Variants in GLRX3 observed in about 807,000 individuals in gnomAD.
The protein encoded by GLRX3 is glutaredoxin 3.
A neutral mutation model predicts 49.5 loss-of-function variants in GLRX3; 22 were observed. That is an observed-to-expected ratio of 0.44 (90% CI 0.32 to 0.63). GLRX3 has a LOEUF of 0.63. GLRX3 is among the 30% of genes least tolerant of loss of function. The probability of loss-of-function intolerance (pLI) is 0.05; values close to 1 mark genes in which losing one functional copy is unlikely to be tolerated. For synonymous variants in GLRX3, 133 were observed against 140.0 expected (o/e 0.95, Z 0.35); for missense variants, 385 against 396.3 (o/e 0.97, Z 0.24).
intron 10 of GLRX3, among the ~76,000 whole-genome samples, chr10:130,175,691 T>C (rs1862903698): frequency 6.6e-6 from 1 of 152,248 alleles, no homozygotes; most frequent in African/African-American, 2.4e-5. Flanking sequence ...TACTTCTTGA[T>C]TGAGTTTTAA....
At chr10:130,175,789 G>GC (rs946512758) in intron 10 of GLRX3, among the ~76,000 whole-genome samples, 1 of 152,226 alleles carries the variant, frequency 6.6e-6, no homozygotes, top group African/African-American at 2.4e-5. Flanking sequence ...TCTTTGATTA[G>GC]CCCAAAACAA....
intron 2 of GLRX3, among the ~76,000 whole-genome samples, chr10:130,148,433 CTTTTTTTTTTTT>C (rs57482969): frequency 0.011 from 764 of 70,626 alleles, 16 homozygotes; most frequent in Middle Eastern, 0.082. Flanking sequence ...GCCCTTCAGT[CTTTTTTTTTTTT>C]TTTTTTTTTT....
intron 2 of GLRX3, among the ~76,000 whole-genome samples, chr10:130,152,700 G>A (rs1433688231): frequency 6.6e-6 from 1 of 152,084 alleles, no homozygotes; most frequent in East Asian, 1.9e-4. Context: ...CCCTTTGTGG[G>A]TAACCCAACC....
intron 1 of GLRX3, among the ~76,000 whole-genome samples, chr10:130,140,331 T>TA (rs1213267341): frequency 6.6e-6 from 1 of 152,196 alleles, no homozygotes; most frequent in Non-Finnish European, 1.5e-5. Context: ...GCTCCAGGCA[T>TA]ATGGGGCTAT....
intron 9 of GLRX3, 32 bp downstream of exon 9, chr10:130,174,938 C>G: frequency 5.7e-6 from 9 of 1,582,872 alleles, no homozygotes; most frequent in Non-Finnish European, 6.9e-6. Context: ...TCACCCTTGT[C>G]TTAGCTTTAA....
At chr10:130,137,136 A>G (rs1414355546) in intron 1 of GLRX3, among the ~76,000 whole-genome samples, 2 of 152,366 alleles carry the variant, frequency 1.3e-5, no homozygotes, top group African/African-American at 4.8e-5. Flanking sequence ...CTCAGTCTTC[A>G]GACTTAACCT....
chr10:130,180,308 G>GGACCTGTAATTTGGGTCCTAC (rs1863000137), downstream of GLRX3: 1 of 152,084 alleles, frequency 6.6e-6, no homozygotes, highest in African/African-American at 2.4e-5. Context: ...CTCCCAAAGT[G>GGACCTGTAATTTGGGTCCTAC]CTGGAATTTA....
intron 2 of GLRX3, among the ~76,000 whole-genome samples, chr10:130,148,193 A>G (rs757086929): frequency 1.3e-5 from 2 of 152,022 alleles, no homozygotes; most frequent in Non-Finnish European, 2.9e-5. Context: ...GCTGTAGTGC[A>G]GTGATCTTGG....
chr10:130,137,590 A>G (rs1369093163), intron 1 of GLRX3, among the ~76,000 whole-genome samples: 1 of 152,210 alleles, frequency 6.6e-6, no homozygotes, highest in African/African-American at 2.4e-5. Context: ...TTAGTACCTC[A>G]GGGTTGTTGT....
At chr10:130,153,916 A>C (rs1590063140) in intron 2 of GLRX3, among the ~76,000 whole-genome samples, 3 of 152,318 alleles carry the variant, frequency 2.0e-5, no homozygotes, top group Middle Eastern at 6.8e-3. Context: ...CTAGAGAGGC[A>C]GCAGGCCTTG....
intron 2 of GLRX3, among the ~76,000 whole-genome samples, chr10:130,147,243 T>G: frequency 6.6e-6 from 1 of 152,218 alleles, no homozygotes; most frequent in East Asian, 1.9e-4. Context: ...TGATTACAAG[T>G]GAAATGAATG....
intron 1 of GLRX3, among the ~76,000 whole-genome samples, chr10:130,143,081 A>G (rs995031340): frequency 1.8e-4 from 28 of 152,346 alleles, no homozygotes; most frequent in Admixed American, 1.5e-3. Flanking sequence ...CAGCTTCTGC[A>G]CTATGATTTG....
chr10:130,166,834 A>G (rs1590070299), intron 5 of GLRX3, 85 bp from the exon 6 acceptor site: 2 of 993,698 alleles, frequency 2.0e-6, no homozygotes, highest in Non-Finnish European at 3.1e-6. Context: ...TAGTTGATTG[A>G]TCAATAATCT....
intron 8 of GLRX3, among the ~76,000 whole-genome samples, chr10:130,171,978 AAAT>A (rs2134922748): frequency 6.6e-6 from 1 of 152,162 alleles, no homozygotes; most frequent in East Asian, 1.9e-4. Flanking sequence ...AAAAAGAAAA[AAAT>A]ATTTCAACTT....
At chr10:130,175,628 G>A (rs1214096133) in intron 10 of GLRX3, among the ~76,000 whole-genome samples, 1 of 152,218 alleles carries the variant, frequency 6.6e-6, no homozygotes, top group Non-Finnish European at 1.5e-5. Flanking sequence ...CCTTCCTGAT[G>A]CTTTGTGTAT....
At chr10:130,159,785 C>A in intron 2 of GLRX3, 1 of 1,302,890 alleles carries the variant, frequency 7.7e-7, no homozygotes, top group Non-Finnish European at 9.8e-7. Context: ...AAATAAAAAC[C>A]TCTGAACCTG....
At chr10:130,175,122 G>A (rs375990611) in intron 10 of GLRX3, 33 bp downstream of exon 10, 35 of 1,205,012 alleles carry the variant, frequency 2.9e-5, no homozygotes, top group East Asian at 1.6e-4. Flanking sequence ...TCTAAAGAAC[G>A]GAAAAGATTT....
intron 1 of GLRX3, among the ~76,000 whole-genome samples, chr10:130,142,773 A>T (rs573316923): frequency 6.6e-6 from 1 of 151,864 alleles, no homozygotes; most frequent in East Asian, 1.9e-4. Context: ...CTTGACTTCT[A>T]TGTGACCCTT....
chr10:130,144,171 T>C (rs1862226221), intron 1 of GLRX3, among the ~76,000 whole-genome samples: 1 of 152,090 alleles, frequency 6.6e-6, no homozygotes. Context: ...AAAAAGTAAA[T>C]AATGATATTA....
Sources: allele counts gnomAD v4.1 joint callset (sites outside exome capture counted in the v4.1 genomes callset), GRCh38; gene constraint gnomAD v4.1.1; transcripts MANE v1.5; gene names NCBI Gene and HGNC (gene_info 2026-07-23, HGNC 2026-07-21).